The following SOX6 variants were observed in gnomAD, a reference collection of about 807,000 sequenced individuals.
SOX6 encodes the protein transcription factor SOX-6.
A neutral mutation model predicts 97.8 loss-of-function variants in SOX6; 11 were observed. The observed-to-expected ratio is 0.11, with a 90% CI of 0.07 to 0.19. The LOEUF is 0.19. Ranked by LOEUF, SOX6 falls within the 10% of genes least tolerant of loss-of-function variation. SOX6 has a pLI of 1.00. For missense variants in SOX6, 810 were observed against 1,039.5 expected (o/e 0.78, Z 3.04); for synonymous variants, 360 against 371.4 (o/e 0.97, Z 0.35).
At chr11:16,625,366 G>T (rs544448390) in intron 3 of SOX6, among the ~76,000 whole-genome samples, 2 of 152,116 alleles carry the variant, frequency 1.3e-5, no homozygotes, top group Admixed American at 1.3e-4. Context: ...GATGAAATCC[G>T]TATATTGGTC....
intron 4 of SOX6, among the ~76,000 whole-genome samples, chr11:16,539,984 C>T (rs1353563430): frequency 6.6e-6 from 1 of 152,132 alleles, no homozygotes; most frequent in African/African-American, 2.4e-5. Flanking sequence ...CCAGCATCAT[C>T]CTGATGCCAA....
intron 3 of SOX6, among the ~76,000 whole-genome samples, chr11:16,648,989 C>T (rs944111303): frequency 4.0e-5 from 6 of 151,412 alleles, no homozygotes; most frequent in Admixed American, 3.3e-4. Context: ...AAAGTTTCAA[C>T]AATAGACTAG....
At chr11:16,205,115 T>A (rs1358572222) in intron 4 of SOX6, among the ~76,000 whole-genome samples, 1 of 152,144 alleles carries the variant, frequency 6.6e-6, no homozygotes, top group East Asian at 1.9e-4. Context: ...GAAATGCTCA[T>A]CTAATAGCAG....
intron 1 of SOX6, among the ~76,000 whole-genome samples, chr11:16,459,963 A>G (rs951622673): frequency 6.6e-6 from 1 of 151,928 alleles, no homozygotes; most frequent in African/African-American, 2.4e-5. Flanking sequence ...AGATCCAAGC[A>G]TCTCAAATAA....
At chr11:16,257,700 A>G (rs1230648453) in intron 3 of SOX6, among the ~76,000 whole-genome samples, 1 of 151,952 alleles carries the variant, frequency 6.6e-6, no homozygotes, top group African/African-American at 2.4e-5. Flanking sequence ...GAAATAATTG[A>G]TAGACAAGGC....
At chr11:16,480,889 T>C (rs1860331454), upstream of SOX6, among the ~76,000 whole-genome samples, 1 of 152,176 alleles carries the variant, frequency 6.6e-6, no homozygotes, top group Non-Finnish European at 1.5e-5. Context: ...GATGCATTGA[T>C]TTTACTAATA....
At chr11:16,434,933 T>C (rs1859345446) in intron 1 of SOX6, among the ~76,000 whole-genome samples, 1 of 152,180 alleles carries the variant, frequency 6.6e-6, no homozygotes. Context: ...AAATATTCAA[T>C]AATAACAGTC....
At chr11:16,595,603 CAAAAAA>C (rs10712410) in intron 4 of SOX6, among the ~76,000 whole-genome samples, 4 of 113,872 alleles carry the variant, frequency 3.5e-5, no homozygotes, top group Non-Finnish European at 5.3e-5. Context: ...CCACCTCTAC[CAAAAAA>C]AAAAAAAAAA....
intron 15 of SOX6, among the ~76,000 whole-genome samples, chr11:15,983,574 G>T (rs11023811): frequency 2.0e-5 from 3 of 151,790 alleles, no homozygotes; most frequent in Admixed American, 1.3e-4. Context: ...AACCTCATAT[G>T]TAATAAAGAT....
chr11:16,268,172 A>G (rs1854139021), intron 3 of SOX6, among the ~76,000 whole-genome samples: 2 of 151,364 alleles, frequency 1.3e-5, no homozygotes, highest in Admixed American at 1.3e-4. Flanking sequence ...ACATTTCAAT[A>G]TCACTAAGAG....
At chr11:16,727,096 G>T (rs1199994450) in intron 2 of SOX6, among the ~76,000 whole-genome samples, 1 of 152,040 alleles carries the variant, frequency 6.6e-6, no homozygotes, top group East Asian at 1.9e-4. Context: ...AAAAAGCATG[G>T]TGAAAAACCT....
chr11:16,488,035 T>C (rs1334623447), intron 4 of SOX6, among the ~76,000 whole-genome samples: 1 of 152,208 alleles, frequency 6.6e-6, no homozygotes, highest in Non-Finnish European at 1.5e-5. Flanking sequence ...TGTGGCACTT[T>C]ACATTTTTCA....
chr11:16,703,336 T>C (rs1228960193), intron 3 of SOX6, among the ~76,000 whole-genome samples: 4 of 152,208 alleles, frequency 2.6e-5, no homozygotes, highest in African/African-American at 9.6e-5. Flanking sequence ...TTATTATTTT[T>C]ATGAATGTAT....
intron 4 of SOX6, among the ~76,000 whole-genome samples, chr11:16,588,323 G>A (rs1848117070): frequency 6.6e-6 from 1 of 152,142 alleles, no homozygotes; most frequent in African/African-American, 2.4e-5. Flanking sequence ...CTAGAGAGAA[G>A]TGACTTAGCC....
intron 12 of SOX6, among the ~76,000 whole-genome samples, chr11:16,038,227 G>C (rs1196878840): frequency 6.6e-6 from 1 of 152,042 alleles, no homozygotes; most frequent in Non-Finnish European, 1.5e-5. Context: ...GGATCTGCAG[G>C]GTAGGGAGGT....
chr11:16,161,414 A>T (rs948851310), intron 6 of SOX6, among the ~76,000 whole-genome samples: 1 of 151,722 alleles, frequency 6.6e-6, no homozygotes, highest in African/African-American at 2.4e-5. Context: ...AGTCTTAGAC[A>T]TAAGAATTAT....
chr11:16,541,004 G>A (rs535109563), intron 4 of SOX6, among the ~76,000 whole-genome samples: 42 of 152,032 alleles, frequency 2.8e-4, no homozygotes, highest in African/African-American at 8.7e-4. Context: ...AAAAGGGCCC[G>A]CATTGCCAAG....
chr11:16,377,628 T>G (rs1857678357), intron 1 of SOX6, among the ~76,000 whole-genome samples: 1 of 152,170 alleles, frequency 6.6e-6, no homozygotes, highest in Non-Finnish European at 1.5e-5. Context: ...TATTGTTTTC[T>G]TTTCATTGTT....
intron 1 of SOX6, among the ~76,000 whole-genome samples, chr11:16,349,478 T>C (rs1856854081): frequency 6.6e-6 from 1 of 151,898 alleles, no homozygotes; most frequent in Non-Finnish European, 1.5e-5. Context: ...TAGCCACCCA[T>C]GGCGGTGCGC....
Sources: allele counts gnomAD v4.1 joint callset (sites outside exome capture counted in the v4.1 genomes callset), GRCh38; gene constraint gnomAD v4.1.1; transcripts MANE v1.5; gene names NCBI Gene and HGNC (gene_info 2026-07-23, HGNC 2026-07-21).